The following SLIT3 variants were observed in gnomAD, a reference collection of about 807,000 sequenced individuals.
SLIT3 encodes the protein slit guidance ligand 3.
Under a neutral mutation model 184.0 loss-of-function variants are expected in SLIT3, and 68 were observed. The observed-to-expected ratio is 0.37, with a 90% CI of 0.30 to 0.45. The LOEUF is 0.45. Among genes scored for constraint, SLIT3 ranks in the 20% least tolerant of loss-of-function variants. SLIT3 has a pLI of 1.00. For missense variants in SLIT3, 1,707 were observed against 2,026.0 expected (o/e 0.84, Z 3.02); for synonymous variants, 831 against 828.6 (o/e 1.00, Z -0.05).
chr5:169,076,604 T>C (rs1468204411), intron 4 of SLIT3, among the ~76,000 whole-genome samples: 3 of 152,266 alleles, frequency 2.0e-5, no homozygotes, highest in Non-Finnish European at 4.4e-5. Flanking sequence ...TCATACTTAC[T>C]TTAAGAGGAG....
chr5:169,117,008 C>A (rs1760691559), intron 4 of SLIT3, among the ~76,000 whole-genome samples: 1 of 152,132 alleles, frequency 6.6e-6, no homozygotes, highest in Non-Finnish European at 1.5e-5. Context: ...CCACAATATC[C>A]AGCAGGGGGC....
intron 4 of SLIT3, among the ~76,000 whole-genome samples, chr5:168,958,433 G>T (rs1467678662): frequency 2.0e-5 from 3 of 152,234 alleles, no homozygotes; most frequent in South Asian, 2.1e-4. Context: ...GGTTTTATAT[G>T]CATTCTCTCT....
intron 4 of SLIT3, among the ~76,000 whole-genome samples, chr5:169,160,842 C>T (rs561644550): frequency 2.0e-5 from 3 of 152,338 alleles, no homozygotes; most frequent in Admixed American, 2.0e-4. Context: ...CATCCACCTA[C>T]ACTTTGAGGG....
At chr5:169,040,269 C>T (rs990352856) in intron 4 of SLIT3, among the ~76,000 whole-genome samples, 2 of 151,906 alleles carry the variant, frequency 1.3e-5, no homozygotes, top group African/African-American at 2.4e-5. Flanking sequence ...TATATTGGCT[C>T]AATAAAGCAT....
At chr5:169,225,860 C>A (rs879647375) in intron 3 of SLIT3, among the ~76,000 whole-genome samples, 1 of 152,156 alleles carries the variant, frequency 6.6e-6, no homozygotes, top group Non-Finnish European at 1.5e-5. Context: ...CCAAGGGAAG[C>A]TGAGGAAGGG....
chr5:169,272,307 C>T (rs967524004), intron 1 of SLIT3, among the ~76,000 whole-genome samples: 20 of 152,248 alleles, frequency 1.3e-4, no homozygotes, highest in African/African-American at 4.3e-4. Flanking sequence ...CGGCTGCTTA[C>T]GCAATGTTGG....
intron 4 of SLIT3, among the ~76,000 whole-genome samples, chr5:168,929,838 G>A (rs964186785): frequency 6.6e-6 from 1 of 152,252 alleles, no homozygotes; most frequent in Non-Finnish European, 1.5e-5. Flanking sequence ...GACATGGCGT[G>A]GGCCGGCCTC....
In SLIT3 at chr5:168,796,433, C is replaced by T. The variant is rs753568664; in HGVS notation, c.936-855G>A. ...ACAGGCATGTGGGGGAGGTGGGGCG[C>T]TCTATTCGGGGTGATGAATGGCACC... On this transcript the variant is annotated intron_variant, in intron 9 of 35. Transcript: ENST00000519560. Among the ~76,000 whole-genome samples the T allele has an allele frequency of 6.6e-5, 10 of 152,122 alleles. 1 individual carries two copies. Among genetic ancestry groups the T allele is most frequent in the African/African-American group, 1.2e-4 (5 of 41,424 alleles).
At chr5:168,802,835 A>G (rs1417741510) in intron 9 of SLIT3, among the ~76,000 whole-genome samples, 1 of 152,210 alleles carries the variant, frequency 6.6e-6, no homozygotes, top group East Asian at 1.9e-4. Context: ...AATGCTAAGC[A>G]TTTTACTATA....
intron 4 of SLIT3, among the ~76,000 whole-genome samples, chr5:169,010,766 G>C (rs1296498120): frequency 6.6e-6 from 1 of 152,078 alleles, no homozygotes; most frequent in African/African-American, 2.4e-5. Flanking sequence ...AGCCAGGCGT[G>C]GCGGCATATG....
At chr5:168,987,527 C>G (rs1322821120) in intron 4 of SLIT3, among the ~76,000 whole-genome samples, 1 of 152,198 alleles carries the variant, frequency 6.6e-6, no homozygotes, top group Admixed American at 6.5e-5. Flanking sequence ...TGATTCCTGC[C>G]TGTCAGGGTT....
At chr5:168,691,940 G>T (rs140620385) in intron 29 of SLIT3, among the ~76,000 whole-genome samples, 58 of 152,324 alleles carry the variant, frequency 3.8e-4, no homozygotes, top group African/African-American at 1.4e-3. Flanking sequence ...GCCTGGGAGG[G>T]ATTTCCCAGG....
intron 4 of SLIT3, chr5:169,013,223 G>C (rs1217882665): frequency 6.6e-6 from 1 of 152,254 alleles, no homozygotes; most frequent in Non-Finnish European, 1.5e-5. Context: ...GCCCACAAAT[G>C]TGAACTCCAA....
chr5:169,109,513 A>G (rs761021337), intron 4 of SLIT3, among the ~76,000 whole-genome samples: 1 of 152,234 alleles, frequency 6.6e-6, no homozygotes, highest in Non-Finnish European at 1.5e-5. Flanking sequence ...CTCCTGACAC[A>G]TAGAAATGTG....
chr5:168,969,136 G>A (rs146906679), intron 4 of SLIT3, among the ~76,000 whole-genome samples: 1 of 152,252 alleles, frequency 6.6e-6, no homozygotes, highest in East Asian at 1.9e-4. Flanking sequence ...CCAGCAGAGA[G>A]GAACAAAGTC....
At chr5:168,922,129 A>G (rs1761655067) in intron 4 of SLIT3, among the ~76,000 whole-genome samples, 1 of 152,174 alleles carries the variant, frequency 6.6e-6, no homozygotes. Flanking sequence ...GCAAGGTTTC[A>G]AACTGCAAAT....
chr5:168,966,985 C>CA (rs763548198), intron 4 of SLIT3, among the ~76,000 whole-genome samples: 84 of 152,248 alleles, frequency 5.5e-4, no homozygotes, highest in Middle Eastern at 3.4e-3. Flanking sequence ...CAAAGCCCCC[C>CA]AAAAATATAT....
intron 4 of SLIT3, among the ~76,000 whole-genome samples, chr5:168,923,022 G>A (rs1445541724): frequency 6.6e-6 from 1 of 152,172 alleles, no homozygotes; most frequent in East Asian, 1.9e-4. Context: ...AAGAGGTTGA[G>A]TAGCGGAGTT....
At chr5:169,235,850 A>G (rs1028274385) in intron 3 of SLIT3, among the ~76,000 whole-genome samples, 3 of 152,266 alleles carry the variant, frequency 2.0e-5, no homozygotes, top group Non-Finnish European at 2.9e-5. Flanking sequence ...CATCATATCG[A>G]AAGTACATAC....
Sources: allele counts gnomAD v4.1 joint callset (sites outside exome capture counted in the v4.1 genomes callset), GRCh38; gene constraint gnomAD v4.1.1; transcripts MANE v1.5; gene names NCBI Gene and HGNC (gene_info 2026-07-23, HGNC 2026-07-21).